KCNH8: variants seen among roughly 807,000 people sequenced by gnomAD.
KCNH8 encodes potassium voltage-gated channel subfamily H member 8.
Under a neutral mutation model 103.6 loss-of-function variants are expected in KCNH8, and 70 were observed. The ratio of observed to expected loss-of-function variants is 0.68; its 90% CI spans 0.56 to 0.82. The LOEUF is 0.82. Among genes scored for constraint, KCNH8 ranks in the 40% least tolerant of loss-of-function variants. The pLI is 0.00. For missense variants in KCNH8, 1,217 were observed against 1,329.9 expected (o/e 0.92, Z 1.32); for synonymous variants, 498 against 489.4 (o/e 1.02, Z -0.23).
chr3:19,444,883 C>A (rs993217210), intron 8 of KCNH8, among the ~76,000 whole-genome samples: 2 of 151,956 alleles, frequency 1.3e-5, no homozygotes, highest in Non-Finnish European at 2.9e-5. Flanking sequence ...ACCTCCTCTC[C>A]TATACTGTTG....
intron 11 of KCNH8, among the ~76,000 whole-genome samples, chr3:19,471,911 T>A (rs17006003): frequency 0.037 from 5,646 of 152,256 alleles, 291 homozygotes; most frequent in East Asian, 0.26. Context: ...ATGAGCCAAA[T>A]ACGTAAGTAA....
intron 7 of KCNH8, among the ~76,000 whole-genome samples, chr3:19,400,125 C>A (rs1315992533): frequency 6.9e-6 from 1 of 145,222 alleles, no homozygotes; most frequent in African/African-American, 2.6e-5. Context: ...CAAGAAGACT[C>A]TTTCCATCTT....
chr3:19,515,218 C>T (rs867720948), intron 13 of KCNH8, 104 bp from the exon 14 acceptor site: 12 of 585,938 alleles, frequency 2.0e-5, no homozygotes, highest in Middle Eastern at 3.6e-4. Context: ...AGCTCTAGAG[C>T]ATCTAGAATT....
intron 3 of KCNH8, among the ~76,000 whole-genome samples, chr3:19,298,973 AG>A (rs1312103048): frequency 6.6e-6 from 1 of 151,398 alleles, no homozygotes; most frequent in African/African-American, 2.4e-5. Context: ...GGGGTAAAAA[AG>A]TTATAAATAA....
chr3:19,179,794 G>C (rs950439086), intron 1 of KCNH8, among the ~76,000 whole-genome samples: 5 of 152,072 alleles, frequency 3.3e-5, no homozygotes, highest in Admixed American at 6.5e-5. Flanking sequence ...CTATATTCTT[G>C]TTCTAATCTC....
intron 3 of KCNH8, among the ~76,000 whole-genome samples, chr3:19,294,894 C>G (rs371293978): frequency 6.6e-6 from 1 of 152,208 alleles, no homozygotes; most frequent in Non-Finnish European, 1.5e-5. Flanking sequence ...GGATTGCATT[C>G]GTTCTGATGG....
intron 11 of KCNH8, among the ~76,000 whole-genome samples, chr3:19,489,902 G>A (rs1468416373): frequency 2.0e-5 from 3 of 152,140 alleles, no homozygotes; most frequent in Non-Finnish European, 2.9e-5. Flanking sequence ...CAGGCACGTC[G>A]TGGGTGATCA....
intron 3 of KCNH8, among the ~76,000 whole-genome samples, chr3:19,305,723 A>G (rs1396684536): frequency 6.6e-6 from 1 of 152,164 alleles, no homozygotes; most frequent in African/African-American, 2.4e-5. Context: ...TGTTAACTCC[A>G]AAGAAAACAA....
intron 1 of KCNH8, among the ~76,000 whole-genome samples, chr3:19,239,255 A>G (rs1437452143): frequency 6.6e-6 from 1 of 152,048 alleles, no homozygotes; most frequent in Non-Finnish European, 1.5e-5. Context: ...TCCATCCTTT[A>G]GTTATGCCAT....
At chr3:19,512,176 G>C (rs1410990602) in intron 12 of KCNH8, among the ~76,000 whole-genome samples, 1 of 152,148 alleles carries the variant, frequency 6.6e-6, no homozygotes, top group Non-Finnish European at 1.5e-5. Flanking sequence ...CTCTGTTGAG[G>C]GCCACTAGTT....
intron 11 of KCNH8, among the ~76,000 whole-genome samples, chr3:19,464,521 G>A (rs1575097064): frequency 6.6e-6 from 1 of 151,956 alleles, no homozygotes; most frequent in East Asian, 1.9e-4. Flanking sequence ...AACAATAAAG[G>A]AAAGAGAAAT....
chr3:19,230,042 T>C (rs985788838), intron 1 of KCNH8, among the ~76,000 whole-genome samples: 2 of 152,140 alleles, frequency 1.3e-5, no homozygotes, highest in African/African-American at 4.8e-5. Flanking sequence ...AAGGCTCTTC[T>C]TACATGGTGG....
intron 3 of KCNH8, among the ~76,000 whole-genome samples, chr3:19,301,511 A>G (rs1209750840): frequency 6.6e-6 from 1 of 152,014 alleles, no homozygotes; most frequent in African/African-American, 2.4e-5. Flanking sequence ...CTTTCACATA[A>G]TTTTTTCTTT....
At chr3:19,381,387 T>C (rs1379708195) in intron 5 of KCNH8, among the ~76,000 whole-genome samples, 2 of 152,114 alleles carry the variant, frequency 1.3e-5, no homozygotes, top group Non-Finnish European at 2.9e-5. Flanking sequence ...ACAAAATCAA[T>C]TGTAGTTGGA....
intron 3 of KCNH8, among the ~76,000 whole-genome samples, chr3:19,299,066 A>G (rs889975628): frequency 6.6e-6 from 1 of 152,170 alleles, no homozygotes; most frequent in Non-Finnish European, 1.5e-5. Flanking sequence ...AGACACCAGC[A>G]TAAATCTGGG....
chr3:19,401,450 A>G (rs112039520), intron 7 of KCNH8, among the ~76,000 whole-genome samples: 7 of 152,178 alleles, frequency 4.6e-5, no homozygotes, highest in South Asian at 2.1e-4. Context: ...TCAATACTGA[A>G]GTAGTACAAC....
chr3:19,260,032 A>G (rs140197368), intron 2 of KCNH8, among the ~76,000 whole-genome samples: 1 of 151,842 alleles, frequency 6.6e-6, no homozygotes, highest in African/African-American at 2.4e-5. Context: ...ACTGTGAAAG[A>G]TAGGAAGAAA....
chr3:19,183,472 A>G (rs1221220506), intron 1 of KCNH8, among the ~76,000 whole-genome samples: 1 of 152,192 alleles, frequency 6.6e-6, no homozygotes, highest in Non-Finnish European at 1.5e-5. Context: ...ACAGAATTAG[A>G]TATTTATAAA....
intron 1 of KCNH8, among the ~76,000 whole-genome samples, chr3:19,209,904 C>A (rs76994860): frequency 0.041 from 6,192 of 152,050 alleles, 449 homozygotes; most frequent in African/African-American, 0.14. Context: ...GGTAAGCCCT[C>A]AAGTGGGCTT....
Sources: gnomAD v4.1 joint callset for allele counts (sites outside exome capture counted in the v4.1 genomes callset) on GRCh38, gnomAD v4.1.1 for gene constraint, MANE v1.5 for transcripts, NCBI Gene and HGNC (gene_info 2026-07-23, HGNC 2026-07-21) for gene names.